Variants in CACNA2D3 observed in about 807,000 individuals in gnomAD.
CACNA2D3 encodes the protein calcium voltage-gated channel auxiliary subunit alpha2delta 3.
A neutral mutation model predicts 160.6 loss-of-function variants in CACNA2D3; 60 were observed. That is an observed-to-expected ratio of 0.37 (90% CI 0.30 to 0.46). CACNA2D3 has a LOEUF of 0.46. CACNA2D3 is among the 20% of genes least tolerant of loss of function. The pLI is 1.00. For missense variants in CACNA2D3, 1,205 were observed against 1,365.0 expected, an observed-to-expected ratio of 0.88 and a Z score of 1.85; for synonymous variants, 558 against 492.9, an observed-to-expected ratio of 1.13 and a Z score of -1.75.
intron 5 of CACNA2D3, among the ~76,000 whole-genome samples, chr3:54,506,505 C>T (rs1030215740): frequency 4.6e-5 from 7 of 152,144 alleles, no homozygotes; most frequent in Non-Finnish European, 8.8e-5. Context: ...TTTCTGCCTC[C>T]GTGGGCGGGC....
chr3:54,766,658 C>T (rs1702230836), intron 13 of CACNA2D3, among the ~76,000 whole-genome samples: 1 of 152,096 alleles, frequency 6.6e-6, no homozygotes. Flanking sequence ...CTTTGCAGAG[C>T]AGCTTGTAAT....
rs114878788 is a variant in CACNA2D3 at position 54,180,317 on chromosome 3, A to G, written c.204+56723A>G. On this transcript the variant is annotated intron_variant, in intron 2 of 37. Transcript: ENST00000474759. ...ATCTGCTGTGCACTTGCTTTGTGACATGTGTGACACCAAGTGCATGACCTT... is the reference window on the plus strand; with the variant it reads ...ATCTGCTGTGCACTTGCTTTGTGACGTGTGTGACACCAAGTGCATGACCTT... Among the ~76,000 whole-genome samples the G allele has an allele frequency of 4.6e-3, 700 of 152,232 alleles. 5 individuals are homozygous for G. Among genetic ancestry groups the G allele is most frequent in the African/African-American group, 0.016 (675 of 41,546 alleles).
intron 2 of CACNA2D3, among the ~76,000 whole-genome samples, chr3:54,305,893 T>C (rs1703588338): frequency 6.6e-6 from 1 of 152,220 alleles, no homozygotes; most frequent in Non-Finnish European, 1.5e-5. Context: ...TCGTTTCCTG[T>C]GATGTCATGG....
Position 54,299,531 on chromosome 3 carries a change from A to T in CACNA2D3, c.205-20911A>T, listed in dbSNP as rs578147939. ...GCCCATCACTTGTGTTTTATGAAAG[A>T]TGAATGGATTAAAGGAAGCGTAATG... is the stretch of plus-strand genomic sequence containing the variant. On this transcript the variant is annotated intron_variant, in intron 2 of 37. Coordinates refer to ENST00000474759, the MANE Select transcript of CACNA2D3 (RefSeq NM_018398.3). Among the ~76,000 whole-genome samples, 88 of 152,320 alleles carry T rather than the reference A, an allele frequency of 5.8e-4. 1 individual carries two copies. The highest frequency in any genetic ancestry group is 2.0e-3 in the African/African-American group (85 of 41,574).
At chr3:54,305,992 C>T (rs982339037) in intron 2 of CACNA2D3, among the ~76,000 whole-genome samples, 1 of 152,080 alleles carries the variant, frequency 6.6e-6, no homozygotes, top group African/African-American at 2.4e-5. Context: ...GTTTAATGCA[C>T]CCATGAAGAA....
At chr3:54,382,811 A>G (rs1699126110) in intron 3 of CACNA2D3, among the ~76,000 whole-genome samples, 1 of 152,188 alleles carries the variant, frequency 6.6e-6, no homozygotes, top group African/African-American at 2.4e-5. Flanking sequence ...AAGCAAAACA[A>G]AACACAGTAG....
chr3:54,998,667 G>A (rs973774300), intron 31 of CACNA2D3, among the ~76,000 whole-genome samples: 1 of 151,964 alleles, frequency 6.6e-6, no homozygotes, highest in Non-Finnish European at 1.5e-5. Flanking sequence ...GATAGCCTGT[G>A]TGGTTTATTC....
intron 2 of CACNA2D3, among the ~76,000 whole-genome samples, chr3:54,319,199 C>CACACACACACACACACACACACACAT (rs1291286123): frequency 3.4e-5 from 5 of 149,160 alleles, no homozygotes; most frequent in Non-Finnish European, 5.9e-5. Flanking sequence ...CACACACACA[C>CACACACACACACACACACACACACAT]ACCCTTCCTC....
At chr3:54,752,933 T>C (rs984119360) in intron 12 of CACNA2D3, among the ~76,000 whole-genome samples, 7 of 151,458 alleles carry the variant, frequency 4.6e-5, no homozygotes, top group Admixed American at 1.3e-4. Flanking sequence ...CGATCTCAGC[T>C]CACTGCAGAC....
At chr3:54,651,459 G>GATCA (rs1284200309) in intron 11 of CACNA2D3, among the ~76,000 whole-genome samples, 2 of 150,464 alleles carry the variant, frequency 1.3e-5, no homozygotes, top group African/African-American at 4.9e-5. Flanking sequence ...TGGTAGCTTT[G>GATCA]AGGCCATGTG....
chr3:54,935,657 T>C (rs1701309766), intron 27 of CACNA2D3, among the ~76,000 whole-genome samples: 1 of 152,252 alleles, frequency 6.6e-6, no homozygotes, highest in Non-Finnish European at 1.5e-5. Flanking sequence ...TTTGCAGTTC[T>C]TGTTGTTGGG....
intron 4 of CACNA2D3, among the ~76,000 whole-genome samples, chr3:54,413,430 A>ATC (rs1699704568): frequency 3.4e-5 from 5 of 147,862 alleles, no homozygotes; most frequent in Admixed American, 1.4e-4. Flanking sequence ...ATATCTATAT[A>ATC]TATATATATC....
intron 13 of CACNA2D3, among the ~76,000 whole-genome samples, chr3:54,798,459 C>T (rs1702916421): frequency 6.6e-6 from 1 of 152,106 alleles, no homozygotes. Flanking sequence ...TTGCTTGAAC[C>T]CGAGAGGCAG....
At position 54,726,971 on chromosome 3, in the gene CACNA2D3, A is replaced by G. The variant is rs2380174; in HGVS notation, c.1168-25628A>G. On this transcript the variant is annotated intron_variant, in intron 11 of 37. Coordinates refer to ENST00000474759, the MANE Select transcript of CACNA2D3 (RefSeq NM_018398.3). The stretch of plus-strand genomic sequence containing the variant: ...GCAAAAGAAACTATCGTCAGAGTGA[A>G]CAGGCAACCTACAGAATGGGAGAAG... 5.9e-5 allele frequency among the ~76,000 whole-genome samples: 9 copies of G among 152,346 alleles called. No individual in the cohort carries two copies. The East Asian group carries it at 9.6e-4, about 16-fold the overall frequency.
chr3:54,654,020 T>C (rs1456365461), intron 11 of CACNA2D3, among the ~76,000 whole-genome samples: 1 of 152,182 alleles, frequency 6.6e-6, no homozygotes, highest in Non-Finnish European at 1.5e-5. Context: ...GGAGCACTTC[T>C]AGTAGCATTC....
rs144252223 is a variant in CACNA2D3 at position 54,192,294 on chromosome 3, C to A, written c.204+68700C>A. Among the ~76,000 whole-genome samples the A allele has an allele frequency of 1.2e-3, 181 of 152,116 alleles. 2 individuals carry two copies. In the East Asian group the frequency reaches 0.031, roughly 26 times the overall value. On this transcript the variant is annotated intron_variant, in intron 2 of 37. Coordinates refer to ENST00000474759, the MANE Select transcript of CACNA2D3 (RefSeq NM_018398.3). ...AATATATCACTGTGGAGAGTTTATG[C>A]TAAAGGGGAAGTGCTTGCAGTTACA...
intron 11 of CACNA2D3, among the ~76,000 whole-genome samples, chr3:54,652,605 G>A (rs1371603088): frequency 6.6e-6 from 1 of 151,994 alleles, no homozygotes; most frequent in Non-Finnish European, 1.5e-5. Flanking sequence ...CCCTGGGTAG[G>A]AAAAGGTGGA....
chr3:55,011,933 G>T (rs1559463172), intron 34 of CACNA2D3, among the ~76,000 whole-genome samples: 1 of 151,882 alleles, frequency 6.6e-6, no homozygotes, highest in Non-Finnish European at 1.5e-5. Context: ...AAAAAAATGA[G>T]ATTTAAAAAA....
intron 27 of CACNA2D3, among the ~76,000 whole-genome samples, chr3:54,949,366 T>C (rs1256043499): frequency 6.6e-6 from 1 of 152,180 alleles, no homozygotes; most frequent in Admixed American, 6.5e-5. Flanking sequence ...AAAGGGGACA[T>C]GCCTGCTCAG....
Sources: gnomAD v4.1 joint callset for allele counts (sites outside exome capture counted in the v4.1 genomes callset) on GRCh38, gnomAD v4.1.1 for gene constraint, MANE v1.5 for transcripts, NCBI Gene and HGNC (gene_info 2026-07-23, HGNC 2026-07-21) for gene names.